Variants in GOLGA1 observed in about 807,000 individuals in gnomAD.
GOLGA1 encodes golgin A1.
A neutral mutation model predicts 119.7 loss-of-function variants in GOLGA1; 63 were observed. That is an observed-to-expected ratio of 0.53 (90% CI 0.43 to 0.65). The LOEUF is 0.65. GOLGA1 is among the 30% of genes least tolerant of loss of function. The pLI, the probability that GOLGA1 is intolerant of heterozygous loss-of-function variation, is 0.00. For missense variants in GOLGA1, 798 were observed against 912.8 expected (o/e 0.87, Z 1.62); for synonymous variants, 318 against 333.4 (o/e 0.95, Z 0.50).
intron 15 of GOLGA1, among the ~76,000 whole-genome samples, chr9:124,893,115 CCA>C (rs1385943359): frequency 6.6e-5 from 10 of 152,164 alleles, no homozygotes; most frequent in Middle Eastern, 3.4e-3. Context: ...GCGTCCTGCC[CCA>C]GTCTCCTGAG....
At chr9:124,930,977 C>G (rs1273186510) in intron 4 of GOLGA1, among the ~76,000 whole-genome samples, 1 of 152,210 alleles carries the variant, frequency 6.6e-6, no homozygotes, top group Non-Finnish European at 1.5e-5. Flanking sequence ...GTTGGCCATT[C>G]CCTTTAAATA....
intron 5 of GOLGA1, 71 bp from the exon 6 acceptor site, chr9:124,928,356 T>C: frequency 1.3e-6 from 1 of 741,204 alleles, no homozygotes; most frequent in East Asian, 2.9e-5. Flanking sequence ...GCCCATGTGA[T>C]TACAACTGTC....
intron 10 of GOLGA1, 101 bp from the exon 11 acceptor site, chr9:124,912,127 C>T: frequency 1.0e-6 from 1 of 997,988 alleles, no homozygotes; most frequent in Non-Finnish European, 1.5e-6. Flanking sequence ...CTGTCCTCAA[C>T]TGTATCCTAG....
chr9:124,946,216 C>A lies in GOLGA1; in HGVS notation c.-156+1702G>T, dbSNP rs1314755154. 6.6e-6 allele frequency: 1 copy of A among 152,112 alleles called. No individual in the cohort carries two copies. The highest frequency in any genetic ancestry group is 1.5e-5 in the Non-Finnish European group (1 of 68,010). 9.4% of individuals were successfully genotyped at this position (152,112 alleles called of 1,614,324 possible). A position where few individuals can be genotyped will look rare whatever the true frequency, so the allele number is the denominator to read the frequency against. Reference sequence around the variant, plus strand: ...TTATTCAAACAACAAACCATCAGATCCTATGGATGTTTTCACTGATTTTTC... The same window carrying A: ...TTATTCAAACAACAAACCATCAGATACTATGGATGTTTTCACTGATTTTTC... On this transcript the variant is annotated intron_variant, in intron 1 of 4. Transcript: ENST00000421514. This position sits in a 1 kb window ranked among gnomAD's most constrained non-coding sequence, Gnocchi z 4.0.
Position 124,881,471 on chromosome 9 carries a change from A to G in GOLGA1, c.2137-214T>C, listed in dbSNP as rs1780852780. Among the ~76,000 whole-genome samples the G allele has an allele frequency of 6.6e-6, 1 of 152,118 alleles. No individual in the cohort carries two copies. On this transcript the variant is annotated intron_variant, in intron 21 of 22. Coordinates refer to ENST00000373555, the MANE Select transcript of GOLGA1 (RefSeq NM_002077.4). This position sits in a 1 kb window ranked among gnomAD's most constrained non-coding sequence, Gnocchi z 4.9. ...GCTTAAGGGAACTGCCCCAGCAGCTACCCTACCCTTTGGCAGGACCCAGGA... is the reference window on the plus strand; with the variant it reads ...GCTTAAGGGAACTGCCCCAGCAGCTGCCCTACCCTTTGGCAGGACCCAGGA...
At chr9:124,895,818 C>A (rs903887319) in intron 15 of GOLGA1, among the ~76,000 whole-genome samples, 1 of 135,316 alleles carries the variant, frequency 7.4e-6, no homozygotes, top group Admixed American at 7.1e-5. Context: ...CCCTCCACAA[C>A]AGAGAACCCT....
At chr9:124,934,820 G>A (rs966581863) in intron 3 of GOLGA1, among the ~76,000 whole-genome samples, 1 of 152,170 alleles carries the variant, frequency 6.6e-6, no homozygotes, top group Non-Finnish European at 1.5e-5. Context: ...GCCAAGGTGG[G>A]CAGATCGTTT....
At chr9:124,884,416 T>A (rs1300002515) in intron 19 of GOLGA1, among the ~76,000 whole-genome samples, 3 of 152,222 alleles carry the variant, frequency 2.0e-5, no homozygotes, top group Admixed American at 6.5e-5. Flanking sequence ...TGGCTGGAAT[T>A]GTAAATACAT....
At chr9:124,935,141 T>C (rs146289150) in intron 3 of GOLGA1, among the ~76,000 whole-genome samples, 261 of 152,260 alleles carry the variant, frequency 1.7e-3, no homozygotes, top group Admixed American at 3.8e-3. Context: ...AATGATAGTA[T>C]AGGTTGAGTA....
At chr9:124,930,675 C>A (rs1235143354) in intron 4 of GOLGA1, among the ~76,000 whole-genome samples, 1 of 152,196 alleles carries the variant, frequency 6.6e-6, no homozygotes, top group African/African-American at 2.4e-5. Flanking sequence ...AAGCCATGAA[C>A]CACTTTACAG....
chr9:124,935,099 T>C (rs1459029216), intron 3 of GOLGA1, among the ~76,000 whole-genome samples: 1 of 152,000 alleles, frequency 6.6e-6, no homozygotes, highest in Non-Finnish European at 1.5e-5. Context: ...AGACTACAAG[T>C]TTGTCCCAGA....
intron 2 of GOLGA1, among the ~76,000 whole-genome samples, chr9:124,939,550 C>CTTTCTT (rs1830954280): frequency 1.5e-4 from 12 of 81,838 alleles, no homozygotes; most frequent in East Asian, 6.0e-4. Context: ...TTCTTTCTTT[C>CTTTCTT]TTTTTTTTTT....
chr9:124,883,152 T>C (rs777386501), intron 19 of GOLGA1, among the ~76,000 whole-genome samples: 3 of 151,928 alleles, frequency 2.0e-5, no homozygotes, highest in Non-Finnish European at 4.4e-5. Context: ...CAGGCTGGAG[T>C]GCAATGACAC....
chr9:124,942,024 C>G (rs550492644), upstream of GOLGA1, among the ~76,000 whole-genome samples: 3 of 152,282 alleles, frequency 2.0e-5, no homozygotes, highest in Non-Finnish European at 4.4e-5. Context: ...TCCTGTAATC[C>G]CCACACTTTG....
At chr9:124,935,547 A>G (rs1424822069) in intron 3 of GOLGA1, among the ~76,000 whole-genome samples, 1 of 152,166 alleles carries the variant, frequency 6.6e-6, no homozygotes, top group East Asian at 1.9e-4. Context: ...CTGTAATCCT[A>G]GCACTTTGGG....
At position 124,881,155 on chromosome 9, in the gene GOLGA1, G is replaced by A. The variant is rs770860572; in HGVS notation, c.2223+16C>T. 9 of 1,348,648 alleles carry A rather than the reference G, an allele frequency of 6.7e-6. No individual in the cohort carries two copies. The East Asian group carries it at 1.8e-4, about 27-fold the overall frequency. 83.5% of individuals were successfully genotyped at this position (1,348,648 alleles called of 1,614,324 possible). On this transcript the variant is annotated intron_variant, in intron 22 of 22. Coordinates refer to ENST00000373555, the MANE Select transcript of GOLGA1 (RefSeq NM_002077.4). The surrounding 1 kb of genome is among the most constrained non-coding windows in gnomAD (Gnocchi z 4.9). The stretch of plus-strand genomic sequence containing the variant: ...ACGTATCTTGGAAGCTGGAACAGTA[G>A]ACCAGAGAACCCTACCTTATATTCC...
rs1357259392 is a variant in GOLGA1, at chr9:124,919,022, G to A, written c.843+2107C>T. ...CCAGCACTTTGGGAGGCTGAGGCGGGTGGATTGCTTGAGCCCAGGAGTTCG... is the reference window on the plus strand; with the variant it reads ...CCAGCACTTTGGGAGGCTGAGGCGGATGGATTGCTTGAGCCCAGGAGTTCG... On this transcript the variant is annotated intron_variant, in intron 10 of 22. Coordinates refer to ENST00000373555, the MANE Select transcript of GOLGA1 (RefSeq NM_002077.4). 3.9e-5 allele frequency among the ~76,000 whole-genome samples: 6 copies of A among 152,020 alleles called. No homozygotes were observed. In the East Asian group the frequency reaches 1.2e-3, roughly 29 times the overall value.
At chr9:124,929,365 G>T in intron 4 of GOLGA1, 75 bp from the exon 5 acceptor site, 1 of 879,550 alleles carries the variant, frequency 1.1e-6, no homozygotes, top group Non-Finnish European at 1.9e-6. Context: ...ACAAAAAAAT[G>T]AATGGAAATG....
At chr9:124,931,438 C>A in intron 3 of GOLGA1, 32 bp from the exon 4 acceptor site, 1 of 1,050,148 alleles carries the variant, frequency 9.5e-7, no homozygotes, top group South Asian at 1.3e-5. Flanking sequence ...AGGTCGTATT[C>A]ATATATGTGT....
Sources: allele counts gnomAD v4.1 joint callset (sites outside exome capture counted in the v4.1 genomes callset), GRCh38; gene constraint gnomAD v4.1.1; non-coding constraint Gnocchi (gnomAD v3.1); transcripts MANE v1.5; gene names NCBI Gene and HGNC (gene_info 2026-07-23, HGNC 2026-07-21).